Variants in TEKT1 observed in about 807,000 individuals in gnomAD.
TEKT1 encodes the protein tektin-1.
In TEKT1, 32 loss-of-function variants were observed where a neutral mutation model predicts 34.8. That is an observed-to-expected ratio of 0.92 (90% CI 0.69 to 1.23). The LOEUF is 1.23. Among genes scored for constraint, TEKT1 ranks in the 50% most tolerant of loss-of-function variants. The pLI is 0.00. For synonymous variants in TEKT1, 207 were observed against 199.8 expected, an observed-to-expected ratio of 1.04 and a Z score of -0.30; for missense variants, 492 against 518.5, an observed-to-expected ratio of 0.95 and a Z score of 0.50.
At chr17:6,826,853 G>A (rs1466429408) in intron 2 of TEKT1, among the ~76,000 whole-genome samples, 4 of 151,872 alleles carry the variant, frequency 2.6e-5, no homozygotes, top group African/African-American at 7.2e-5. Flanking sequence ...CCGCCACCAC[G>A]CCCAGCTAAT....
Position 6,800,898 on chromosome 17 carries a change from C to G in TEKT1, c.898G>C (p.Glu300Gln). Residue 300 changes from glutamate (E) to glutamine (Q), a missense_variant, in exon 7 of 8, where the codon GAA (glutamate) becomes CAA (glutamine). Physicochemically the swap from Glu to Gln is conservative, Grantham distance 29. Coordinates refer to ENST00000338694, the MANE Select transcript of TEKT1 (RefSeq NM_053285.2). ...ASQEKNITAL[E>Q]KAILDQEGPA... ...CCTTCTTGGTCAAGGATGGCCTTTT[C>G]AAGAGCTGTAATATTTTTCTCCTGG... 1 of 1,614,036 alleles carries G rather than the reference C, an allele frequency of 6.2e-7. No individual in the cohort carries two copies. Among genetic ancestry groups the G allele is most frequent in the Non-Finnish European group, 8.5e-7 (1 of 1,179,980 alleles).
chr17:6,822,337 G>C lies in TEKT1; in HGVS notation c.191-2979C>G, dbSNP rs115243212. Reference sequence around the variant, plus strand: ...TTTTTGTAGAGGCAAGGGTCTCTCTGTGTTGCCAAGGCTGGTCTCAAACTC... The same window carrying C: ...TTTTTGTAGAGGCAAGGGTCTCTCTCTGTTGCCAAGGCTGGTCTCAAACTC... On this transcript the variant is annotated intron_variant, in intron 2 of 7. Coordinates refer to ENST00000338694, the MANE Select transcript of TEKT1 (RefSeq NM_053285.2). Among the ~76,000 whole-genome samples the C allele has an allele frequency of 5.8e-3, 886 of 152,172 alleles. 7 individuals are homozygous for C. Among genetic ancestry groups the C allele is most frequent in the African/African-American group, 0.02 (837 of 41,524 alleles).
At chr17:6,800,988 A>C in intron 6 of TEKT1, 45 bp from the exon 7 acceptor site, 1 of 1,543,754 alleles carries the variant, frequency 6.5e-7, no homozygotes, top group Non-Finnish European at 8.8e-7. Flanking sequence ...TGTGCTCCTC[A>C]AAACTCAACA....
At chr17:6,813,375 T>G (rs1976955037) in intron 5 of TEKT1, among the ~76,000 whole-genome samples, 1 of 152,216 alleles carries the variant, frequency 6.6e-6, no homozygotes, top group Non-Finnish European at 1.5e-5. Context: ...ATTGCTCAGC[T>G]AGAGATAATT....
chr17:6,821,542 T>C (rs1044918545), intron 2 of TEKT1, among the ~76,000 whole-genome samples: 11 of 152,130 alleles, frequency 7.2e-5, no homozygotes, highest in Admixed American at 6.6e-4. Context: ...AGTGTGAAAA[T>C]TGACTGATAC....
intron 2 of TEKT1, among the ~76,000 whole-genome samples, chr17:6,825,848 C>T (rs1236988732): frequency 1.3e-5 from 2 of 151,990 alleles, no homozygotes; most frequent in Non-Finnish European, 2.9e-5. Context: ...TTTATCCATC[C>T]TACTGTTGAT....
chr17:6,807,260 T>C (rs4462653), intron 6 of TEKT1, among the ~76,000 whole-genome samples: 92,663 of 151,916 alleles, frequency 0.61, 28,484 homozygotes, highest in African/African-American at 0.69. Context: ...TTGATCGAAT[T>C]GGCTACTGAG....
chr17:6,830,542 C>T, intron 1 of TEKT1, 149 bp from the exon 2 acceptor site: 3 of 607,884 alleles, frequency 4.9e-6, no homozygotes, highest in Non-Finnish European at 8.0e-6. Context: ...GGCACCCAAA[C>T]CAAGAAACAA....
intron 5 of TEKT1, among the ~76,000 whole-genome samples, chr17:6,813,918 TAA>T (rs1181436943): frequency 6.6e-6 from 1 of 151,014 alleles, no homozygotes; most frequent in East Asian, 1.9e-4. Context: ...GATTAGGATA[TAA>T]AAAAGACTGT....
rs1376144928 is a variant in TEKT1 at position 6,819,255 on chromosome 17, C to A, written c.294G>T (p.Leu98Phe). Residue 98 changes from leucine (L) to phenylalanine (F), a missense_variant, in exon 3 of 8, where the codon TTG becomes TTT. Leu to Phe is a conservative substitution (Grantham distance 22, BLOSUM62 0). Transcript: ENST00000338694. ...CTTTCAAGGTCTCCAGGGCTTTTTCCAATCTGATCTTATATATGAGTAGAT... is the reference window on the plus strand; with the variant it reads ...CTTTCAAGGTCTCCAGGGCTTTTTCAAATCTGATCTTATATATGAGTAGAT... ...TDDLLIYKIR[L>F]EKALETLKEP... 1 of 1,614,042 alleles carries A rather than the reference C, an allele frequency of 6.2e-7. No individual in the cohort carries two copies. Among genetic ancestry groups the A allele is most frequent in the East Asian group, 2.2e-5 (1 of 44,890 alleles).
chr17:6,827,994 G>A (rs1321074751), intron 2 of TEKT1, among the ~76,000 whole-genome samples: 1 of 149,596 alleles, frequency 6.7e-6, no homozygotes, highest in Non-Finnish European at 1.5e-5. Context: ...ACCCAGGCTG[G>A]AGTGCAGTGG....
At chr17:6,821,245 T>C (rs1207674344) in intron 2 of TEKT1, among the ~76,000 whole-genome samples, 1 of 152,208 alleles carries the variant, frequency 6.6e-6, no homozygotes, top group Non-Finnish European at 1.5e-5. Context: ...TCCTCACCTG[T>C]TGAGGGAAGG....
rs1977056068 is a variant in TEKT1 at position 6,819,378 on chromosome 17, T to C, written c.191-20A>G. On this transcript the variant is annotated intron_variant, in intron 2 of 7. Coordinates refer to ENST00000338694, the MANE Select transcript of TEKT1 (RefSeq NM_053285.2). ...TCTGTTCTGAAGCACACGGGGAAGT[T>C]ACACCAGGGCTAATCTATCCCAAGG... 1.9e-6 allele frequency: 3 copies of C among 1,605,020 alleles called. No individual in the cohort carries two copies. Among genetic ancestry groups the C allele is most frequent in the Non-Finnish European group, 2.6e-6 (3 of 1,175,784 alleles).
At chr17:6,807,976 C>G (rs1030570338) in intron 6 of TEKT1, among the ~76,000 whole-genome samples, 2 of 152,176 alleles carry the variant, frequency 1.3e-5, no homozygotes, top group African/African-American at 4.8e-5. Flanking sequence ...GCTGGGAGAA[C>G]CACTACTCTC....
At chr17:6,802,447 TTTTA>T (rs935115592) in intron 6 of TEKT1, among the ~76,000 whole-genome samples, 17 of 151,980 alleles carry the variant, frequency 1.1e-4, no homozygotes, top group East Asian at 3.8e-4. Flanking sequence ...TGGCCTGGAA[TTTTA>T]TTTATTTATT....
At chr17:6,805,374 G>A (rs1378828409) in intron 6 of TEKT1, among the ~76,000 whole-genome samples, 3 of 151,700 alleles carry the variant, frequency 2.0e-5, no homozygotes, top group African/African-American at 7.3e-5. Flanking sequence ...TATTCATCTT[G>A]CTAGCGGTCT....
At position 6,811,845 on chromosome 17, in the gene TEKT1, T is replaced by A. The variant is rs1326270497; in HGVS notation, c.852+986A>T. Reference sequence around the variant, plus strand: ...CTTGAAATCCACCAATGTGGGAGTATTTGTACTACAGACATCGACAAATTC... The same window carrying A: ...CTTGAAATCCACCAATGTGGGAGTAATTGTACTACAGACATCGACAAATTC... On this transcript the variant is annotated intron_variant, in intron 6 of 7. Coordinates refer to ENST00000338694, the MANE Select transcript of TEKT1 (RefSeq NM_053285.2). The surrounding 1 kb of genome is among the most constrained non-coding windows in gnomAD (Gnocchi z 4.4). 6.6e-6 allele frequency among the ~76,000 whole-genome samples: 1 copy of A among 152,152 alleles called. No homozygotes were observed. Among genetic ancestry groups the A allele is most frequent in the Admixed American group, 6.5e-5 (1 of 15,280 alleles).
At chr17:6,813,233 C>A (rs1271936646) in intron 5 of TEKT1, among the ~76,000 whole-genome samples, 180 bp from the exon 6 acceptor site, 2 of 152,140 alleles carry the variant, frequency 1.3e-5, no homozygotes, top group Non-Finnish European at 2.9e-5. Flanking sequence ...CCTCCCTACT[C>A]TGGCATTGGG....
rs1445986495 is a variant in TEKT1, at chr17:6,798,973, C to G, written c.*1054G>C. On this transcript the variant is annotated 3_prime_UTR_variant, in exon 8 of 8. Coordinates refer to ENST00000338694, the MANE Select transcript of TEKT1 (RefSeq NM_053285.2). Reference sequence around the variant, plus strand: ...TGAGCACCGGGGAACCAAATGTTAGCAGAGTGTAGCAGCAGCTTCACACAT... The same window carrying G: ...TGAGCACCGGGGAACCAAATGTTAGGAGAGTGTAGCAGCAGCTTCACACAT... 6.6e-6 allele frequency: 1 copy of G among 152,226 alleles called. No individual in the cohort carries two copies. Among genetic ancestry groups the G allele is most frequent in the African/African-American group, 2.4e-5 (1 of 41,456 alleles). The allele number at this position is 152,226 out of a possible 1,614,324, so 9.4% of individuals were successfully genotyped here.
Sources: allele counts gnomAD v4.1 joint callset (sites outside exome capture counted in the v4.1 genomes callset), GRCh38; gene constraint gnomAD v4.1.1; non-coding constraint Gnocchi (gnomAD v3.1); transcripts MANE v1.5; gene names NCBI Gene and HGNC (gene_info 2026-07-23, HGNC 2026-07-21).